The following NOVA1 variants were observed in gnomAD, a reference collection of about 807,000 sequenced individuals.
NOVA1 encodes NOVA alternative splicing regulator 1.
A neutral mutation model predicts 38.0 loss-of-function variants in NOVA1; 7 were observed. The ratio of observed to expected loss-of-function variants is 0.18; its 90% CI spans 0.10 to 0.35. The LOEUF (loss-of-function observed/expected upper bound fraction) is 0.35, where lower values mean the gene tolerates loss of function less well. Among genes scored for constraint, NOVA1 ranks in the 10% least tolerant of loss-of-function variants. The probability of loss-of-function intolerance (pLI) is 1.00; values close to 1 mark genes in which losing one functional copy is unlikely to be tolerated. For missense variants in NOVA1, 460 were observed against 616.0 expected (o/e 0.75, Z 2.68); for synonymous variants, 270 against 232.5 (o/e 1.16, Z -1.47).
chr14:26,493,224 A>G (rs1334064103), intron 2 of NOVA1, among the ~76,000 whole-genome samples: 2 of 152,188 alleles, frequency 1.3e-5, no homozygotes, highest in African/African-American at 4.8e-5. Flanking sequence ...GAAAATAGAT[A>G]ATACATCTGT....
intron 2 of NOVA1, among the ~76,000 whole-genome samples, chr14:26,483,709 C>T (rs1369247334): frequency 6.6e-6 from 1 of 152,078 alleles, no homozygotes; most frequent in Middle Eastern, 3.2e-3. Flanking sequence ...TAGATTAATA[C>T]TGAAAACAGA....
intron 2 of NOVA1, among the ~76,000 whole-genome samples, chr14:26,501,427 G>T (rs534015841): frequency 1.3e-5 from 2 of 151,944 alleles, no homozygotes; most frequent in Admixed American, 1.3e-4. Flanking sequence ...ATATATGTGT[G>T]CAACAAGCAA....
At chr14:26,576,276 C>T (rs960463864) in intron 2 of NOVA1, among the ~76,000 whole-genome samples, 3 of 151,540 alleles carry the variant, frequency 2.0e-5, no homozygotes, top group African/African-American at 7.3e-5. Context: ...AACTTTCTTA[C>T]TCCTCTTGCT....
intron 2 of NOVA1, among the ~76,000 whole-genome samples, chr14:26,528,073 A>G (rs965254334): frequency 2.0e-5 from 3 of 152,190 alleles, no homozygotes; most frequent in Admixed American, 6.5e-5. Context: ...ATGTTTAATT[A>G]TGAGGTTTGA....
chr14:26,527,637 T>C (rs1388401591), intron 2 of NOVA1, among the ~76,000 whole-genome samples: 1 of 152,188 alleles, frequency 6.6e-6, no homozygotes, highest in African/African-American at 2.4e-5. Flanking sequence ...GTACCAGACA[T>C]GTCTGTCAAG....
intron 2 of NOVA1, among the ~76,000 whole-genome samples, chr14:26,566,953 T>G (rs912276024): frequency 6.6e-6 from 1 of 152,146 alleles, no homozygotes; most frequent in Non-Finnish European, 1.5e-5. Flanking sequence ...AGCTAGAAGC[T>G]GGGAATACCG....
At chr14:26,538,945 G>A (rs915951451) in intron 2 of NOVA1, among the ~76,000 whole-genome samples, 5 of 152,136 alleles carry the variant, frequency 3.3e-5, no homozygotes, top group Admixed American at 6.5e-5. Context: ...ATCCAAGGAC[G>A]TTTTTCTTTA....
rs992001924 is a variant in NOVA1 at position 26,455,911 on chromosome 14, G to C, written c.520-6948C>G. Among the ~76,000 whole-genome samples the C allele has an allele frequency of 3.3e-5, 5 of 151,988 alleles. No individual in the cohort carries two copies. In the Middle Eastern group the frequency reaches 0.01, roughly 310 times the overall value. On this transcript the variant is annotated intron_variant, in intron 4 of 4. Transcript: ENST00000539517. Reference sequence around the variant, plus strand: ...TATTTAAAAATGAAAATAATTTGGGGTATTGTCTTCTTAATGCTTACTAAA... The same window carrying C: ...TATTTAAAAATGAAAATAATTTGGGCTATTGTCTTCTTAATGCTTACTAAA...
At chr14:26,574,151 A>C (rs1295022655) in intron 2 of NOVA1, among the ~76,000 whole-genome samples, 2 of 147,528 alleles carry the variant, frequency 1.4e-5, no homozygotes, top group African/African-American at 5.1e-5. Context: ...TCAGCATCCC[A>C]AGCAGCTGGG....
intron 2 of NOVA1, among the ~76,000 whole-genome samples, chr14:26,577,382 TC>T (rs1388552797): frequency 6.6e-6 from 1 of 152,132 alleles, no homozygotes; most frequent in Non-Finnish European, 1.5e-5. Flanking sequence ...CAGTGAATTA[TC>T]TTTGAAATTG....
chr14:26,456,908 G>T (rs1294669539), intron 4 of NOVA1, among the ~76,000 whole-genome samples: 1 of 151,234 alleles, frequency 6.6e-6, no homozygotes, highest in Non-Finnish European at 1.5e-5. Flanking sequence ...ATAAAATGAT[G>T]TAGAAAATAG....
At chr14:26,577,012 T>C (rs1483203517) in intron 2 of NOVA1, among the ~76,000 whole-genome samples, 1 of 151,838 alleles carries the variant, frequency 6.6e-6, no homozygotes, top group African/African-American at 2.4e-5. Context: ...TCTTCCCATT[T>C]CCCCTCCCCA....
chr14:26,503,921 C>G (rs1887433551), intron 2 of NOVA1, among the ~76,000 whole-genome samples: 1 of 152,032 alleles, frequency 6.6e-6, no homozygotes, highest in South Asian at 2.1e-4. Context: ...TTTGGTGCTT[C>G]TTTAACAACA....
Position 26,469,286 on chromosome 14 carries a change from T to A in NOVA1, c.519+3034A>T, listed in dbSNP as rs560406244. Among the ~76,000 whole-genome samples the A allele has an allele frequency of 2.5e-3, 387 of 152,270 alleles. 1 individual carries two copies. Among genetic ancestry groups the A allele is most frequent in the African/African-American group, 8.8e-3 (366 of 41,570 alleles). On this transcript the variant is annotated intron_variant, in intron 4 of 4. Transcript: ENST00000539517. ...GCAACAAGTAACTGAGTATTCTTAC[T>A]AGAAAATAATTGTAAAGTAGTTTAA...
At chr14:26,475,148 A>G (rs918499111) in intron 3 of NOVA1, among the ~76,000 whole-genome samples, 6 of 152,164 alleles carry the variant, frequency 3.9e-5, no homozygotes, top group African/African-American at 1.4e-4. Context: ...TCAATGTGCA[A>G]TATAAATGTA....
chr14:26,519,976 C>T lies in NOVA1; in HGVS notation c.281-39833G>A, dbSNP rs80346859. On this transcript the variant is annotated intron_variant, in intron 2 of 4. Transcript: ENST00000539517. ...TTGCATTATTCAAGGTAGTTATGAT[C>T]TATTAAGTTGCCACAAACACTGAAT... Among the ~76,000 whole-genome samples the T allele has an allele frequency of 8.3e-3, 1,262 of 152,216 alleles. 17 individuals are homozygous for T. The highest frequency in any genetic ancestry group is 0.028 in the African/African-American group (1,152 of 41,532).
chr14:26,516,906 C>CTTTTTTTTTTT (rs1179556122), intron 2 of NOVA1, among the ~76,000 whole-genome samples: 1 of 135,618 alleles, frequency 7.4e-6, no homozygotes. Context: ...GACTTTGCCT[C>CTTTTTTTTTTT]TTTTTTTTTT....
chr14:26,457,632 T>A (rs1374144554), intron 4 of NOVA1, among the ~76,000 whole-genome samples: 3 of 152,114 alleles, frequency 2.0e-5, no homozygotes, highest in African/African-American at 7.2e-5. Context: ...ATAATGATGA[T>A]AAATGACTGT....
At chr14:26,542,458 A>C (rs1250331920) in intron 2 of NOVA1, among the ~76,000 whole-genome samples, 1 of 151,930 alleles carries the variant, frequency 6.6e-6, no homozygotes, top group East Asian at 1.9e-4. Context: ...CTGCATTATT[A>C]TTCTCTTGAG....
Sources: allele counts gnomAD v4.1 joint callset (sites outside exome capture counted in the v4.1 genomes callset), GRCh38; gene constraint gnomAD v4.1.1; transcripts MANE v1.5; gene names NCBI Gene and HGNC (gene_info 2026-07-23, HGNC 2026-07-21).